PTPN9: variants seen among roughly 807,000 people sequenced by gnomAD.
The protein encoded by PTPN9 is tyrosine-protein phosphatase non-receptor type 9.
A neutral mutation model predicts 69.8 loss-of-function variants in PTPN9; 26 were observed. The observed-to-expected ratio is 0.37, with a 90% confidence interval of 0.27 to 0.52. The LOEUF (loss-of-function observed/expected upper bound fraction) is 0.52, where lower values mean the gene tolerates loss of function less well. Ranked by LOEUF, PTPN9 falls within the 20% of genes least tolerant of loss-of-function variation. The pLI is 0.91. For missense variants in PTPN9, 549 were observed against 740.3 expected (o/e 0.74, Z 3.00); for synonymous variants, 274 against 272.5 (o/e 1.01, Z -0.05).
chr15:75,496,178 G>A (rs963259647), intron 7 of PTPN9, among the ~76,000 whole-genome samples: 2 of 150,080 alleles, frequency 1.3e-5, no homozygotes, highest in African/African-American at 4.9e-5. Flanking sequence ...GTTCACACCT[G>A]TAATCCCAGC....
At chr15:75,561,064 C>G (rs753216030) in intron 1 of PTPN9, among the ~76,000 whole-genome samples, 1 of 151,006 alleles carries the variant, frequency 6.6e-6, no homozygotes, top group Admixed American at 6.6e-5. Flanking sequence ...TGCCTGTAAT[C>G]TCAGCACTTT....
At chr15:75,475,119 T>C (rs1364244077) in intron 9 of PTPN9, among the ~76,000 whole-genome samples, 3 of 152,212 alleles carry the variant, frequency 2.0e-5, no homozygotes, top group African/African-American at 7.2e-5. Flanking sequence ...TATTTTACTT[T>C]GTGGGAATTA....
At chr15:75,519,657 A>T (rs2141318432) in intron 4 of PTPN9, among the ~76,000 whole-genome samples, 1 of 151,402 alleles carries the variant, frequency 6.6e-6, no homozygotes, top group African/African-American at 2.4e-5. Flanking sequence ...TTTTTAGTAG[A>T]GATGGGGTTT....
At chr15:75,570,020 C>G (rs1485102913) in intron 1 of PTPN9, among the ~76,000 whole-genome samples, 3 of 152,034 alleles carry the variant, frequency 2.0e-5, no homozygotes, top group African/African-American at 7.2e-5. Flanking sequence ...GGGATTTCAT[C>G]ATGTTGGCCA....
Position 75,508,980 on chromosome 15 carries a change from G to T in PTPN9, c.576C>A (p.Pro192=), listed in dbSNP as rs763362104. ...RLKKVLIVGA[P]IWFRVPYSII... ...TGGAATAGGGCACTCGGAACCATAT[G>T]GGTGCCCCCACAATCAGCACCTTCT... The change falls in exon 6 of 13, where the codon CCC becomes CCA. Residue 192 remains proline (P), a synonymous_variant. Coordinates refer to ENST00000618819, the MANE Select transcript of PTPN9 (RefSeq NM_002833.4). 14 of 1,614,026 alleles carry T rather than the reference G, an allele frequency of 8.7e-6. No homozygotes were observed. Among genetic ancestry groups the T allele is most frequent in the Non-Finnish European group, 1.2e-5 (14 of 1,180,006 alleles).
intron 1 of PTPN9, among the ~76,000 whole-genome samples, chr15:75,572,410 A>G (rs1484512758): frequency 1.3e-5 from 2 of 152,096 alleles, no homozygotes; most frequent in Non-Finnish European, 2.9e-5. Flanking sequence ...CTGCCAGCCC[A>G]TTAAGAAAGG....
chr15:75,478,066 C>G (rs1179966482), intron 9 of PTPN9, among the ~76,000 whole-genome samples: 2 of 151,998 alleles, frequency 1.3e-5, no homozygotes, highest in Non-Finnish European at 2.9e-5. Flanking sequence ...GTTTGGAACT[C>G]CTGACCTTGT....
intron 8 of PTPN9, among the ~76,000 whole-genome samples, chr15:75,482,989 A>G (rs2074652718): frequency 6.6e-6 from 1 of 152,136 alleles, no homozygotes; most frequent in South Asian, 2.1e-4. Context: ...ATCAGCCATC[A>G]TGGAAATGCA....
intron 1 of PTPN9, among the ~76,000 whole-genome samples, chr15:75,564,188 C>T (rs764560274): frequency 2.0e-5 from 3 of 151,490 alleles, no homozygotes; most frequent in African/African-American, 7.3e-5. Flanking sequence ...TGGGCTCAAT[C>T]GATCCTCCTG....
chr15:75,487,359 A>AT (rs1453759656), intron 8 of PTPN9: 5 of 151,526 alleles, frequency 3.3e-5, no homozygotes, highest in African/African-American at 9.8e-5. Flanking sequence ...TCAAAATAAA[A>AT]TAAAAAAAAA....
At position 75,559,182 on chromosome 15, in the gene PTPN9, C is replaced by T. The variant is rs1392790548; in HGVS notation, c.63+19532G>A. The stretch of plus-strand genomic sequence containing the variant: ...GAGGAGCGCCTCTGCCCGGCCGCCC[C>T]GTCTAAGTGAGGAGCCCCTCCGCCC... On this transcript the variant is annotated intron_variant, in intron 1 of 12. Transcript: ENST00000618819. Among the ~76,000 whole-genome samples, 4 of 151,896 alleles carry T rather than the reference C, an allele frequency of 2.6e-5. No individual in the cohort carries two copies. In the East Asian group the frequency reaches 5.8e-4, roughly 22 times the overall value.
At chr15:75,496,619 C>T (rs543875310) in intron 7 of PTPN9, among the ~76,000 whole-genome samples, 3 of 151,882 alleles carry the variant, frequency 2.0e-5, no homozygotes, top group Admixed American at 2.0e-4. Context: ...ACCTCAGCCT[C>T]CCAAGTAGCT....
chr15:75,531,838 C>T (rs1352224523), intron 1 of PTPN9, among the ~76,000 whole-genome samples: 3 of 151,760 alleles, frequency 2.0e-5, no homozygotes, highest in Non-Finnish European at 4.4e-5. Flanking sequence ...GGATTACAGG[C>T]GTGAGCCACC....
At chr15:75,484,475 A>G (rs2074661972) in intron 8 of PTPN9, among the ~76,000 whole-genome samples, 1 of 152,214 alleles carries the variant, frequency 6.6e-6, no homozygotes, top group African/African-American at 2.4e-5. Context: ...CATCTCAATG[A>G]ACAGCTCCTG....
intron 7 of PTPN9, among the ~76,000 whole-genome samples, chr15:75,494,131 C>CATATATATAT (rs71140166): frequency 5.5e-4 from 79 of 143,504 alleles, no homozygotes; most frequent in African/African-American, 1.9e-3. Flanking sequence ...TTATCAATCC[C>CATATATATAT]ATATATATAT....
intron 8 of PTPN9, among the ~76,000 whole-genome samples, chr15:75,489,782 G>C (rs1442548553): frequency 6.6e-6 from 1 of 152,122 alleles, no homozygotes; most frequent in African/African-American, 2.4e-5. Flanking sequence ...AGACATTTAT[G>C]TATACATAAG....
intron 1 of PTPN9, among the ~76,000 whole-genome samples, chr15:75,538,223 C>T (rs867827086): frequency 6.6e-6 from 1 of 152,098 alleles, no homozygotes; most frequent in Non-Finnish European, 1.5e-5. Context: ...AAGTATATAA[C>T]CTTCTCAACA....
chr15:75,468,585 G>A lies in PTPN9; in HGVS notation c.*184C>T, dbSNP rs956937851. On this transcript the variant is annotated 3_prime_UTR_variant, in exon 13 of 13. Transcript: ENST00000618819. The stretch of plus-strand genomic sequence containing the variant: ...AACACATTGCTACTGGCCCTTTCTA[G>A]TGGCAATTTCACCACATTTATCTAG... The A allele has an allele frequency of 2.0e-5, 11 of 558,734 alleles. No homozygotes were observed. The highest frequency in any genetic ancestry group is 2.0e-4 in the East Asian group (7 of 35,722). The allele number at this position is 558,734 out of a possible 1,614,324, so 34.6% of individuals were successfully genotyped here. A position where few individuals can be genotyped will look rare whatever the true frequency, so the allele number is the denominator to read the frequency against.
chr15:75,511,862 A>G (rs1203186159), intron 5 of PTPN9, among the ~76,000 whole-genome samples: 2 of 131,204 alleles, frequency 1.5e-5, no homozygotes, highest in South Asian at 2.4e-4. Flanking sequence ...TTTGAGACTC[A>G]CTTTAATATT....
Sources: gnomAD v4.1 joint callset for allele counts (sites outside exome capture counted in the v4.1 genomes callset) on GRCh38, gnomAD v4.1.1 for gene constraint, MANE v1.5 for transcripts, NCBI Gene and HGNC (gene_info 2026-07-23, HGNC 2026-07-21) for gene names.